Variants in STAG1 observed in about 807,000 individuals in gnomAD.
The protein encoded by STAG1 is STAG1 cohesin complex component, also known as cohesin subunit SA-1.
STAG1 carries 26 observed loss-of-function variants against 170.9 expected under a neutral mutation model. The observed-to-expected ratio is 0.15, with a 90% CI of 0.11 to 0.21. The LOEUF is 0.21. Ranked by LOEUF, STAG1 falls within the 10% of genes least tolerant of loss-of-function variation. The pLI is 1.00. For synonymous variants in STAG1, 514 were observed against 497.7 expected (o/e 1.03, Z -0.44); for missense variants, 964 against 1,509.5 (o/e 0.64, Z 5.99).
At chr3:136,514,625 C>T (rs1272813049) in intron 7 of STAG1, among the ~76,000 whole-genome samples, 8 of 152,188 alleles carry the variant, frequency 5.3e-5, no homozygotes, top group Middle Eastern at 3.4e-3. Flanking sequence ...ATATTTACTG[C>T]GACAATATTC....
At chr3:136,553,594 T>C (rs962524416) in intron 5 of STAG1, among the ~76,000 whole-genome samples, 3 of 152,166 alleles carry the variant, frequency 2.0e-5, no homozygotes, top group African/African-American at 7.2e-5. Context: ...GCCAACATGG[T>C]GAAACCTTGT....
intron 12 of STAG1, among the ~76,000 whole-genome samples, chr3:136,466,678 A>G (rs932531161): frequency 6.6e-6 from 1 of 152,168 alleles, no homozygotes; most frequent in Non-Finnish European, 1.5e-5. Flanking sequence ...CCTCGAGAAG[A>G]GCAACTCCAA....
At chr3:136,343,050 T>C (rs1029775170) in intron 30 of STAG1, among the ~76,000 whole-genome samples, 1 of 152,224 alleles carries the variant, frequency 6.6e-6, no homozygotes, top group African/African-American at 2.4e-5. Flanking sequence ...CAGGATTTGA[T>C]ACTTCTAACA....
chr3:136,467,240 C>T (rs1415527358), intron 12 of STAG1, among the ~76,000 whole-genome samples: 1 of 152,128 alleles, frequency 6.6e-6, no homozygotes, highest in African/African-American at 2.4e-5. Flanking sequence ...CAAGACCCAT[C>T]AGTGTGCTGT....
At chr3:136,478,253 G>A (rs113589723) in intron 9 of STAG1, among the ~76,000 whole-genome samples, 12 of 152,246 alleles carry the variant, frequency 7.9e-5, no homozygotes, top group East Asian at 5.8e-4. Context: ...ACAATACTGC[G>A]AAGTCATGGC....
chr3:136,607,253 C>A (rs1030484553), intron 3 of STAG1, among the ~76,000 whole-genome samples: 2 of 152,130 alleles, frequency 1.3e-5, no homozygotes, highest in Admixed American at 1.3e-4. Context: ...AAGTTCCACT[C>A]CACCTCATTG....
In STAG1 at chr3:136,564,564, A is replaced by G. The variant is rs189501518; in HGVS notation, c.394+4201T>C. Among the ~76,000 whole-genome samples the G allele has an allele frequency of 4.5e-4, 68 of 152,362 alleles. 1 individual carries two copies. The East Asian group carries it at 0.013, about 28-fold the overall frequency. The stretch of plus-strand genomic sequence containing the variant: ...TCTCATAGGTACTTAGGTCTATGTC[A>G]GGATTTTTATTATATTCTACTGATG... On this transcript the variant is annotated intron_variant, in intron 5 of 33. Transcript: ENST00000383202.
At chr3:136,670,437 A>C (rs1240199777) in intron 1 of STAG1, among the ~76,000 whole-genome samples, 2 of 152,180 alleles carry the variant, frequency 1.3e-5, no homozygotes, top group Admixed American at 6.5e-5. Context: ...GAAAAGAACC[A>C]AAAAAACTAG....
intron 1 of STAG1, among the ~76,000 whole-genome samples, chr3:136,742,155 C>CA (rs1559984435): frequency 6.6e-6 from 1 of 152,006 alleles, no homozygotes; most frequent in African/African-American, 2.4e-5. Flanking sequence ...ACAACAACAA[C>CA]AAAAAACAAC....
intron 14 of STAG1, among the ~76,000 whole-genome samples, chr3:136,447,288 A>G (rs2088809737): frequency 6.6e-6 from 1 of 151,700 alleles, no homozygotes; most frequent in South Asian, 2.1e-4. Context: ...TCTGGCCAAC[A>G]TGGTGAAACC....
At chr3:136,696,273 G>A (rs1942888373) in intron 1 of STAG1, among the ~76,000 whole-genome samples, 1 of 147,284 alleles carries the variant, frequency 6.8e-6, no homozygotes, top group African/African-American at 2.6e-5. Context: ...AGGTCATTTT[G>A]GTGGCTGGGC....
chr3:136,532,583 T>C (rs1935427415), intron 6 of STAG1, among the ~76,000 whole-genome samples: 1 of 152,082 alleles, frequency 6.6e-6, no homozygotes. Context: ...TCAAGCAAAA[T>C]TTACATAAGG....
At chr3:136,592,628 AACTAC>A (rs1938240104) in intron 4 of STAG1, among the ~76,000 whole-genome samples, 1 of 152,158 alleles carries the variant, frequency 6.6e-6, no homozygotes, top group Admixed American at 6.5e-5. Context: ...TGACCACCAG[AACTAC>A]AATGCCAGCA....
At chr3:136,637,469 C>T (rs116245010) in intron 1 of STAG1, among the ~76,000 whole-genome samples, 4,505 of 152,296 alleles carry the variant, frequency 0.03, 104 homozygotes, top group Non-Finnish European at 0.044. Flanking sequence ...TCACTGGCAA[C>T]AGCAGGTTAG....
At chr3:136,394,828 C>A (rs995635326) in intron 22 of STAG1, among the ~76,000 whole-genome samples, 1 of 151,146 alleles carries the variant, frequency 6.6e-6, no homozygotes, top group Non-Finnish European at 1.5e-5. Context: ...TGGTAGGCAC[C>A]AGTAATCCCA....
chr3:136,724,961 A>T (rs1253844098), intron 1 of STAG1, among the ~76,000 whole-genome samples: 4 of 152,212 alleles, frequency 2.6e-5, no homozygotes, highest in Admixed American at 2.6e-4. Flanking sequence ...GGTCTTCTAT[A>T]CCAAAGTATC....
chr3:136,426,104 C>T (rs1576454135), intron 16 of STAG1, among the ~76,000 whole-genome samples: 1 of 148,694 alleles, frequency 6.7e-6, no homozygotes, highest in Admixed American at 6.7e-5. Context: ...AGATTTGCAA[C>T]AATTAAAAAA....
Position 136,459,232 on chromosome 3 carries a change from A to AAAAAG in STAG1, c.1313+5644_1313+5648dup, listed in dbSNP as rs1164361119. 2.8e-4 allele frequency among the ~76,000 whole-genome samples: 42 copies of AAAAAG among 151,950 alleles called. No homozygotes were observed. In the South Asian group the frequency reaches 3.7e-3, roughly 14 times the overall value. On this transcript the variant is annotated intron_variant, in intron 13 of 33. Coordinates refer to ENST00000383202, the MANE Select transcript of STAG1 (RefSeq NM_005862.3). ...ACTCTGTCTTAAAGAAAAAAAAAAA[A>AAAAAG]AAAAGAAAAGAAAAGAAAAGAAAAA...
At chr3:136,461,067 C>A (rs542849634) in intron 13 of STAG1, among the ~76,000 whole-genome samples, 1 of 152,282 alleles carries the variant, frequency 6.6e-6, no homozygotes, top group South Asian at 2.1e-4. Flanking sequence ...ATCACATCAA[C>A]AGACTGAAAG....
Sources: gnomAD v4.1 joint callset for allele counts (sites outside exome capture counted in the v4.1 genomes callset) on GRCh38, gnomAD v4.1.1 for gene constraint, MANE v1.5 for transcripts, NCBI Gene and HGNC (gene_info 2026-07-23, HGNC 2026-07-21) for gene names.